Variants in TERT observed in about 807,000 individuals in gnomAD.
The protein encoded by TERT is telomerase catalytic subunit.
TERT carries 42 observed loss-of-function variants against 104.0 expected under a neutral mutation model. The ratio of observed to expected loss-of-function variants is 0.40; its 90% CI spans 0.32 to 0.52. TERT has a LOEUF of 0.52. Ranked by LOEUF, TERT falls within the 20% of genes least tolerant of loss-of-function variation. The probability of loss-of-function intolerance (pLI) is 0.43; values close to 1 mark genes in which losing one functional copy is unlikely to be tolerated. For missense variants in TERT, 1,101 were observed against 1,610.3 expected (o/e 0.68, Z 5.41); for synonymous variants, 781 against 725.6 (o/e 1.08, Z -1.23).
Position 1,268,298 on chromosome 5 carries a change from G to C in TERT, c.2582+222C>G, listed in dbSNP as rs900314049. 1.3e-5 allele frequency among the ~76,000 whole-genome samples: 2 copies of C among 152,256 alleles called. No individual in the cohort carries two copies. Among genetic ancestry groups the C allele is most frequent in the Non-Finnish European group, 2.9e-5 (2 of 68,038 alleles). ...GGCCCTCCCGCCTGCTGAGCCCTGA[G>C]GCCTCTGGACATGGCCGCTGGACAG... On this transcript the variant is annotated intron_variant, in intron 9 of 15. Coordinates refer to ENST00000310581, the MANE Select transcript of TERT (RefSeq NM_198253.3). The surrounding 1 kb of genome is among the most constrained non-coding windows in gnomAD (Gnocchi z 5.5).
In TERT at chr5:1,263,322, C is replaced by T. The variant is rs771055987; in HGVS notation, c.2843+1082G>A. 9.2e-5 allele frequency among the ~76,000 whole-genome samples: 14 copies of T among 152,088 alleles called. No individual in the cohort carries two copies. Among genetic ancestry groups the T allele is most frequent in the Admixed American group, 2.6e-4 (4 of 15,278 alleles). On this transcript the variant is annotated intron_variant, in intron 11 of 15. Transcript: ENST00000310581. The surrounding 1 kb of genome is among the most constrained non-coding windows in gnomAD (Gnocchi z 5.3). The stretch of plus-strand genomic sequence containing the variant: ...TTTCAGAGGAAGGCACCCCCAGTTC[C>T]GGCCTCTAGCACAGCACCAGTAAAT...
rs776966669 is a variant in TERT at position 1,258,642 on chromosome 5, C to T, written c.2988G>A (p.Thr996=). 8.9e-6 allele frequency: 14 copies of T among 1,570,334 alleles called. No homozygotes were observed. The African/African-American group carries it at 1.2e-4, about 14-fold the overall frequency. ...GGATCTTGTAGATGTTGGTGCACACCGTCTGGAGGCTGTTCACCTAGAGTC... is the reference window on the plus strand; with the variant it reads ...GGATCTTGTAGATGTTGGTGCACACTGTCTGGAGGCTGTTCACCTAGAGTC... ...FLDLQVNSLQ[T]VCTNIYKILL... is the part of the protein sequence containing the mutation. The change falls in exon 13 of 16, where the codon ACG becomes ACA. Residue 996 remains threonine (T), a synonymous_variant. Transcript: ENST00000310581.
At chr5:1,285,764 T>A (rs963501410) in intron 2 of TERT, among the ~76,000 whole-genome samples, 3 of 151,760 alleles carry the variant, frequency 2.0e-5, no homozygotes, top group Admixed American at 6.6e-5. Flanking sequence ...CAGATGGGGT[T>A]TCATCATGTT....
rs371744768 is a variant in TERT, at chr5:1,264,624, T to C, written c.2655-32A>G. ...CAGAGGGGCAATGTCAGCCCCAGGATGCGGGGCCGTCACCCAGGAGGTAAC... is the reference window on the plus strand; with the variant it reads ...CAGAGGGGCAATGTCAGCCCCAGGACGCGGGGCCGTCACCCAGGAGGTAAC... On this transcript the variant is annotated intron_variant, in intron 10 of 15. Transcript: ENST00000310581. 3.2e-5 allele frequency: 51 copies of C among 1,612,250 alleles called. No individual in the cohort carries two copies. In the African/African-American group the frequency reaches 4.5e-4, roughly 14 times the overall value.
At position 1,287,446 on chromosome 5, in the gene TERT, C is replaced by T. The variant is rs568687539; in HGVS notation, c.1574-4822G>A. On this transcript the variant is annotated intron_variant, in intron 2 of 15. Coordinates refer to ENST00000310581, the MANE Select transcript of TERT (RefSeq NM_198253.3). This position sits in a 1 kb window ranked among gnomAD's most constrained non-coding sequence, Gnocchi z 4.3. ...GCCAGAAGGTAAAAGTTACACTGAC[C>T]TGTGATCACACCACTGCACTCACCC... is the stretch of plus-strand genomic sequence containing the variant. Among the ~76,000 whole-genome samples the T allele has an allele frequency of 5.3e-5, 8 of 151,296 alleles. No homozygotes were observed. In the South Asian group the frequency reaches 1.7e-3, roughly 32 times the overall value.
chr5:1,294,720 C>T (rs750283879), intron 1 of TERT, 51 bp downstream of exon 1: 4 of 1,571,158 alleles, frequency 2.5e-6, no homozygotes, highest in East Asian at 2.3e-5. Context: ...GTCGCTGGTT[C>T]CCCCCGGCCG....
At position 1,294,143 on chromosome 5, in the gene TERT, C is replaced by A; in HGVS notation, c.743G>T (p.Arg248Leu). 1 of 1,580,786 alleles carries A rather than the reference C, an allele frequency of 6.3e-7. No individual in the cohort carries two copies. ...PRRGAAPEPE[R>L]TPVGQGSWAH... ...CCAGGACCCCTGCCCAACGGGCGTC[C>A]GCTCCGGCTCAGGGGCAGCGCCACG... The change falls in exon 2 of 16, where the codon CGG becomes CTG. Residue 248 changes from arginine (R) to leucine (L), a missense_variant. Physicochemically the swap from Arg to Leu is moderately radical, Grantham distance 102. Around this residue, in one of 5 missense-constraint regions of TERT, gnomAD observed 504 missense variants for 544.6 expected, o/e 0.93. Coordinates refer to ENST00000310581, the MANE Select transcript of TERT (RefSeq NM_198253.3).
rs758192867 is a variant in TERT at position 1,278,756 on chromosome 5, C to G, written c.2171G>C (p.Arg724Thr). 1.2e-6 allele frequency: 2 copies of G among 1,614,172 alleles called. No individual in the cohort carries two copies. The highest frequency in any genetic ancestry group is 2.2e-5 in the South Asian group (2 of 91,086). ...TGAYDTIPQDRLTEVIASIIK... is the reference protein window; with the variant it reads ...TGAYDTIPQDTLTEVIASIIK... ...GATGCTGGCGATGACCTCCGTGAGC[C>G]TGTCCTGGGGGATGGTGTCGTACGC... The change falls in exon 6 of 16, where the codon AGG (arginine) becomes ACG (threonine). Residue 724 changes from arginine (R) to threonine (T), a missense_variant. Arg to Thr is a moderately conservative substitution (Grantham distance 71, BLOSUM62 -1). Transcript: ENST00000310581.
chr5:1,277,392 C>T (rs545136161), intron 6 of TERT, among the ~76,000 whole-genome samples: 6 of 152,314 alleles, frequency 3.9e-5, no homozygotes, highest in South Asian at 4.1e-4. Flanking sequence ...TCCACAGCAG[C>T]GGGAAGGATA....
Position 1,269,135 on chromosome 5 carries a change from CAG to C in TERT, c.2469-504_2469-503del, listed in dbSNP as rs1379661445. ...TGCCAAGGGTGCGTTTTCAGACAAACAGTGAGAGCAGAATAGCCCCGTGGAAC... is the reference window on the plus strand; with the variant it reads ...TGCCAAGGGTGCGTTTTCAGACAAACTGAGAGCAGAATAGCCCCGTGGAAC... On this transcript the variant is annotated intron_variant, in intron 8 of 15. Coordinates refer to ENST00000310581, the MANE Select transcript of TERT (RefSeq NM_198253.3). This position sits in a 1 kb window ranked among gnomAD's most constrained non-coding sequence, Gnocchi z 9.0. Among the ~76,000 whole-genome samples the C allele has an allele frequency of 6.6e-6, 1 of 151,990 alleles. No homozygotes were observed. Among genetic ancestry groups the C allele is most frequent in the Non-Finnish European group, 1.5e-5 (1 of 67,996 alleles).
At chr5:1,276,368 TTCACAGATC>T (rs1749588171) in intron 6 of TERT, among the ~76,000 whole-genome samples, 5 of 111,296 alleles carry the variant, frequency 4.5e-5, no homozygotes, top group African/African-American at 1.1e-4. Context: ...TGAAAACCAA[TTCACAGATC>T]CCCACCTACC....
At position 1,268,498 on chromosome 5, in the gene TERT, C is replaced by G. The variant is rs765749413; in HGVS notation, c.2582+22G>C. ...GCAAATCAACCCCCACCCAAGCCCCCCTGGGGAAGAGGAGGCCTCACCCGT... is the reference window on the plus strand; with the variant it reads ...GCAAATCAACCCCCACCCAAGCCCCGCTGGGGAAGAGGAGGCCTCACCCGT... On this transcript the variant is annotated intron_variant, in intron 9 of 15. Coordinates refer to ENST00000310581, the MANE Select transcript of TERT (RefSeq NM_198253.3). This position sits in a 1 kb window ranked among gnomAD's most constrained non-coding sequence, Gnocchi z 5.5. 10 of 1,597,752 alleles carry G rather than the reference C, an allele frequency of 6.3e-6. No individual in the cohort carries two copies. Among genetic ancestry groups the G allele is most frequent in the East Asian group, 4.5e-5 (2 of 44,724 alleles).
rs905312069 is a variant in TERT, at chr5:1,274,732, C to T, written c.2287-2452G>A. 5.9e-5 allele frequency among the ~76,000 whole-genome samples: 9 copies of T among 152,224 alleles called. No homozygotes were observed. The highest frequency in any genetic ancestry group is 2.2e-4 in the African/African-American group (9 of 41,460). On this transcript the variant is annotated intron_variant, in intron 6 of 15. Transcript: ENST00000310581. The surrounding 1 kb of genome is among the most constrained non-coding windows in gnomAD (Gnocchi z 5.3). ...GCCGGGTTCCTAACAGGCCCCAGAC[C>T]GGTGCCACTCCACAGCCAGGGGCCT...
At position 1,255,179 on chromosome 5, in the gene TERT, AT is replaced by A; in HGVS notation, c.3157+107del. Reference sequence around the variant, plus strand: ...AGTGGTTGGGTTAAACCACTTCCTGATGCGAAAAGGGGTAAGAACTTCCTAA... The same window carrying A: ...AGTGGTTGGGTTAAACCACTTCCTGAGCGAAAAGGGGTAAGAACTTCCTAA... On this transcript the variant is annotated intron_variant, in intron 14 of 15. Transcript: ENST00000310581. This position sits in a 1 kb window ranked among gnomAD's most constrained non-coding sequence, Gnocchi z 6.9. 1 of 1,453,008 alleles carries A rather than the reference AT, an allele frequency of 6.9e-7. No homozygotes were observed. The highest frequency in any genetic ancestry group is 9.4e-7 in the Non-Finnish European group (1 of 1,061,274). 90.0% of individuals were successfully genotyped at this position (1,453,008 alleles called of 1,614,324 possible). A position where few individuals can be genotyped will look rare whatever the true frequency, so the allele number is the denominator to read the frequency against.
rs1244046500 is a variant in TERT at position 1,262,826 on chromosome 5, T to G, written c.2843+1578A>C. 6.6e-6 allele frequency among the ~76,000 whole-genome samples: 1 copy of G among 152,214 alleles called. No individual in the cohort carries two copies. The highest frequency in any genetic ancestry group is 1.9e-4 in the East Asian group (1 of 5,204). ...TGCCTGTCCTAAAAAATACATTTCA[T>G]GGGGAGCAAAATAAGCAGTGGACAG... On this transcript the variant is annotated intron_variant, in intron 11 of 15. Transcript: ENST00000310581. This position sits in a 1 kb window ranked among gnomAD's most constrained non-coding sequence, Gnocchi z 5.6.
At position 1,268,538 on chromosome 5, in the gene TERT, G is replaced by T. The variant is rs775014633; in HGVS notation, c.2564C>A (p.Ala855Glu). The T allele has an allele frequency of 1.2e-6, 2 of 1,613,484 alleles. No individual in the cohort carries two copies. The highest frequency in any genetic ancestry group is 1.7e-6 in the Non-Finnish European group (2 of 1,179,974). ...GCCTCACCCGTCCCGCCGAATCCCC[G>T]CAAACAGCTTGTTCTCCATGTCGCC... ...CYGDMENKLF[A>E]GIRRDGLLLR... The change falls in exon 9 of 16, where the codon GCG (alanine) becomes GAG (glutamate). Residue 855 changes from alanine to glutamate, a missense_variant. Around this residue, in one of 5 missense-constraint regions of TERT, gnomAD observed 463 missense variants for 797.5 expected, o/e 0.58. Transcript: ENST00000310581. The surrounding 1 kb of genome is among the most constrained non-coding windows in gnomAD (Gnocchi z 5.5).
chr5:1,293,862 G>A lies in TERT; in HGVS notation c.1024C>T (p.Arg342Trp). The A allele has an allele frequency of 6.5e-7, 1 of 1,546,018 alleles. No individual in the cohort carries two copies. Among genetic ancestry groups the A allele is most frequent in the South Asian group, 1.2e-5 (1 of 84,062 alleles). Residue 342 changes from arginine (R) to tryptophan (W), a missense_variant, in exon 2 of 16, where the codon CGG becomes TGG. Coordinates refer to ENST00000310581, the MANE Select transcript of TERT (RefSeq NM_198253.3). ...AGAGAGCTGAGTAGGAAGGAGGGCC[G>A]CAGCTGCTCCTTGTCGCCTGAGGAG... ...LYSSGDKEQLRPSFLLSSLRP... is the reference protein window; with the variant it reads ...LYSSGDKEQLWPSFLLSSLRP...
rs560876417 is a variant in TERT at position 1,269,003 on chromosome 5, C to T, written c.2469-370G>A. On this transcript the variant is annotated intron_variant, in intron 8 of 15. Coordinates refer to ENST00000310581, the MANE Select transcript of TERT (RefSeq NM_198253.3). The surrounding 1 kb of genome is among the most constrained non-coding windows in gnomAD (Gnocchi z 9.0). ...TTTTTTTTTTCAAGGAATTTGTCCA[C>T]GGTGAAAGACTCATGACCCTACATG... 5.7e-4 allele frequency among the ~76,000 whole-genome samples: 86 copies of T among 151,454 alleles called. No homozygotes were observed. The highest frequency in any genetic ancestry group is 1.8e-3 in the African/African-American group (74 of 41,214).
chr5:1,284,996 C>T lies in TERT; in HGVS notation c.1574-2372G>A, dbSNP rs1267798834. ...ACCACACATCCAGCTCACAGCAGGG[C>T]CTGGCGACCTCACCCCGGACCTGCA... On this transcript the variant is annotated intron_variant, in intron 2 of 15. Transcript: ENST00000310581. Among the ~76,000 whole-genome samples the T allele has an allele frequency of 1.4e-5, 2 of 143,880 alleles. 1 individual carries two copies. Among genetic ancestry groups the T allele is most frequent in the South Asian group, 4.8e-4 (2 of 4,140 alleles). 94.4% of individuals were successfully genotyped at this position (143,880 alleles called of 152,430 possible).
Sources: allele counts gnomAD v4.1 joint callset (sites outside exome capture counted in the v4.1 genomes callset), GRCh38; gene constraint gnomAD v4.1.1; regional missense constraint gnomAD v4.1.1; non-coding constraint Gnocchi (gnomAD v3.1); transcripts MANE v1.5; gene names NCBI Gene and HGNC (gene_info 2026-07-23, HGNC 2026-07-21).